ARHGEF26: variants seen among roughly 807,000 people sequenced by gnomAD.
ARHGEF26 encodes the protein Rho guanine nucleotide exchange factor 26, also known as Rho guanine nucleotide exchange factor (GEF) 26.
In ARHGEF26, 59 loss-of-function variants were observed where a neutral mutation model predicts 89.4. The ratio of observed to expected loss-of-function variants is 0.66; its 90% CI spans 0.54 to 0.82. The LOEUF is 0.82. Ranked by LOEUF, ARHGEF26 falls within the 40% of genes least tolerant of loss-of-function variation. The pLI is 0.00. For synonymous variants in ARHGEF26, 500 were observed against 428.4 expected (o/e 1.17, Z -2.06); for missense variants, 1,234 against 1,085.6 (o/e 1.14, Z -1.92).
chr3:154,176,336 G>A (rs948319009), intron 6 of ARHGEF26, among the ~76,000 whole-genome samples: 27 of 152,230 alleles, frequency 1.8e-4, no homozygotes, highest in Middle Eastern at 3.4e-3. Context: ...AAGGGTATAT[G>A]TATATGGGCC....
chr3:154,213,427 A>T (rs1191769133), intron 9 of ARHGEF26, among the ~76,000 whole-genome samples: 1 of 126,246 alleles, frequency 7.9e-6, no homozygotes, highest in Non-Finnish European at 1.6e-5. Context: ...GTCCCTTCAA[A>T]ATACTAATTA....
At chr3:154,179,531 C>CTA (rs67705619) in intron 6 of ARHGEF26, among the ~76,000 whole-genome samples, 29,002 of 152,114 alleles carry the variant, frequency 0.19, 3,089 homozygotes, top group South Asian at 0.37. Flanking sequence ...GCTAGCCTCT[C>CTA]TGAGAACTAG....
chr3:154,196,709 C>T (rs781558935), intron 9 of ARHGEF26, among the ~76,000 whole-genome samples: 1 of 151,950 alleles, frequency 6.6e-6, no homozygotes, highest in Non-Finnish European at 1.5e-5. Flanking sequence ...GAGAAGTTAC[C>T]TAAGGTACTA....
rs370542899 is a variant in ARHGEF26, at chr3:154,154,823, C to T, written c.1487+1891C>T. Among the ~76,000 whole-genome samples, 49 of 151,976 alleles carry T rather than the reference C, an allele frequency of 3.2e-4. 1 individual carries two copies. Among genetic ancestry groups the T allele is most frequent in the Admixed American group, 4.6e-4 (7 of 15,254 alleles). On this transcript the variant is annotated intron_variant, in intron 6 of 14. Transcript: ENST00000465093. ...CTGTGTAGTAGTTTATTCATCCAGC[C>T]GCCTATCTGTATGAGCATTAGGATT...
At chr3:154,132,513 A>G (rs937326563) in intron 4 of ARHGEF26, among the ~76,000 whole-genome samples, 3 of 152,174 alleles carry the variant, frequency 2.0e-5, no homozygotes, top group Non-Finnish European at 2.9e-5. Flanking sequence ...TTACCTTTTT[A>G]GAAGCTCATC....
chr3:154,253,175 A>G lies in ARHGEF26; in HGVS notation c.2360A>G (p.Asp787Gly). ...CACAGCAGCGGGAAGCCGCCTGCAG[A>G]CCGAACCTGTAAGTTCTCTCAAGGG... ...LGHSSGKPPADRTSLTQVEIV... is the reference protein window; with the variant it reads ...LGHSSGKPPAGRTSLTQVEIV... Residue 787 changes from aspartate (D) to glycine (G), a missense_variant, in exon 13 of 15, where the codon GAC (aspartate) becomes GGC (glycine). Transcript: ENST00000465093. 6.2e-7 allele frequency: 1 copy of G among 1,614,018 alleles called. No homozygotes were observed. The highest frequency in any genetic ancestry group is 8.5e-7 in the Non-Finnish European group (1 of 1,179,884).
chr3:154,148,323 C>G (rs1207650350), intron 4 of ARHGEF26, among the ~76,000 whole-genome samples: 1 of 152,200 alleles, frequency 6.6e-6, no homozygotes, highest in African/African-American at 2.4e-5. Context: ...TAGTTCCTTA[C>G]TGATGGCTTG....
intron 12 of ARHGEF26, among the ~76,000 whole-genome samples, chr3:154,241,528 A>G (rs553224970): frequency 1.3e-5 from 2 of 152,362 alleles, no homozygotes; most frequent in South Asian, 2.1e-4. Context: ...ATTAACGAGA[A>G]TATTCAAGAA....
chr3:154,187,582 T>G lies in ARHGEF26; in HGVS notation c.1488-103T>G. ...ATTTTTTAGTTGGTACTGTGTACTG[T>G]TGAATTTTCAAACCCCGTGTAATAA... On this transcript the variant is annotated intron_variant, in intron 6 of 14. Transcript: ENST00000465093. 4.0e-6 allele frequency: 4 copies of G among 1,009,614 alleles called. No homozygotes were observed. The South Asian group carries it at 8.7e-5, about 22-fold the overall frequency. The allele number at this position is 1,009,614 out of a possible 1,614,324, so 62.5% of individuals were successfully genotyped here. A position where few individuals can be genotyped will look rare whatever the true frequency, so the allele number is the denominator to read the frequency against.
At chr3:154,250,144 C>G (rs773502447) in intron 12 of ARHGEF26, among the ~76,000 whole-genome samples, 23 of 152,166 alleles carry the variant, frequency 1.5e-4, no homozygotes, top group Non-Finnish European at 2.6e-4. Flanking sequence ...AATTCTCTGC[C>G]TCAGCCTCCT....
rs911159442 is a variant in ARHGEF26, at chr3:154,144,670, T to G, written c.1270-4719T>G. ...TCCTGGCTCTGTCTGTAGATGGTGA[T>G]GCAGGGCATAGAGGAGCAAGTGTCC... On this transcript the variant is annotated intron_variant, in intron 4 of 14. Transcript: ENST00000465093. 1.3e-5 allele frequency among the ~76,000 whole-genome samples: 2 copies of G among 152,226 alleles called. 1 individual carries two copies. The highest frequency in any genetic ancestry group is 1.3e-4 in the Admixed American group (2 of 15,284).
At chr3:154,189,538 C>T (rs1375387549) in intron 7 of ARHGEF26, among the ~76,000 whole-genome samples, 4 of 151,942 alleles carry the variant, frequency 2.6e-5, no homozygotes, top group South Asian at 2.1e-4. Context: ...TGGGTTTCAC[C>T]GTATTAGCCA....
chr3:154,157,586 T>A (rs770530395), intron 6 of ARHGEF26, among the ~76,000 whole-genome samples: 10 of 152,050 alleles, frequency 6.6e-5, no homozygotes, highest in Middle Eastern at 3.2e-3. Context: ...TTTGAGGCAA[T>A]TGAAGTAACA....
At chr3:154,206,916 CAA>C (rs947451527) in intron 9 of ARHGEF26, among the ~76,000 whole-genome samples, 2 of 152,072 alleles carry the variant, frequency 1.3e-5, no homozygotes, top group African/African-American at 4.8e-5. Flanking sequence ...AAAACTGACA[CAA>C]AGACCAATGG....
intron 10 of ARHGEF26, among the ~76,000 whole-genome samples, chr3:154,224,415 A>G (rs532468994): frequency 3.3e-4 from 50 of 152,322 alleles, no homozygotes; most frequent in African/African-American, 1.1e-3. Context: ...CAATAAAACA[A>G]TTTAAAAATC....
rs113703369 is a variant in ARHGEF26, at chr3:154,246,975, G to A, written c.2301-6141G>A. Among the ~76,000 whole-genome samples, 268 of 152,262 alleles carry A rather than the reference G, an allele frequency of 1.8e-3. 2 individuals carry two copies. Among genetic ancestry groups the A allele is most frequent in the African/African-American group, 6.1e-3 (252 of 41,556 alleles). ...GAGTTGTTTCTTAATCAACCTTGGC[G>A]TGACTTCTTCCTCTGGCACCCTGTT... is the stretch of plus-strand genomic sequence containing the variant. On this transcript the variant is annotated intron_variant, in intron 12 of 14. Transcript: ENST00000465093.
At chr3:154,190,187 G>GGGAC (rs1713869473) in intron 7 of ARHGEF26, among the ~76,000 whole-genome samples, 1 of 151,994 alleles carries the variant, frequency 6.6e-6, no homozygotes, top group Non-Finnish European at 1.5e-5. Context: ...GAGAAATGGG[G>GGGAC]GGACAAGAGT....
At chr3:154,174,990 G>C (rs1712708323) in intron 6 of ARHGEF26, among the ~76,000 whole-genome samples, 2 of 152,176 alleles carry the variant, frequency 1.3e-5, no homozygotes, top group Admixed American at 6.6e-5. Context: ...CCTAGGCATA[G>C]TGTAAGTGCC....
In ARHGEF26 at chr3:154,123,042, C is replaced by T. The variant is rs374731357; in HGVS notation, c.1050C>T (p.Asp350=). The T allele has an allele frequency of 1.2e-6, 2 of 1,613,728 alleles. No homozygotes were observed. Among genetic ancestry groups the T allele is most frequent in the Non-Finnish European group, 1.7e-6 (2 of 1,179,874 alleles). ...CTGTTCTGAAAGTGGTGATGGAAGACAAGGAGAAGTTTTCCAGTCTGGGAA... is the reference window on the plus strand; with the variant it reads ...CTGTTCTGAAAGTGGTGATGGAAGATAAGGAGAAGTTTTCCAGTCTGGGAA... The part of the protein sequence containing the change: ...SQPVLKVVME[D]KEKFSSLGRI... The change falls in exon 2 of 15, where the codon GAC becomes GAT. Residue 350 remains aspartate (D), a synonymous_variant. Coordinates refer to ENST00000465093, the MANE Select transcript of ARHGEF26 (RefSeq NM_015595.4).
Sources: allele counts gnomAD v4.1 joint callset (sites outside exome capture counted in the v4.1 genomes callset), GRCh38; gene constraint gnomAD v4.1.1; transcripts MANE v1.5; gene names NCBI Gene and HGNC (gene_info 2026-07-23, HGNC 2026-07-21).